The following SDHA variants were observed in gnomAD, a reference collection of about 807,000 sequenced individuals.
The protein encoded by SDHA is succinate dehydrogenase [ubiquinone] flavoprotein subunit, mitochondrial.
A neutral mutation model predicts 78.4 loss-of-function variants in SDHA; 48 were observed. That is an observed-to-expected ratio of 0.61 (90% confidence interval 0.49 to 0.78). The LOEUF (loss-of-function observed/expected upper bound fraction) is 0.78, where lower values mean the gene tolerates loss of function less well. SDHA is among the 30% of genes least tolerant of loss of function. SDHA has a pLI of 0.00. For missense variants in SDHA, 680 were observed against 892.7 expected (o/e 0.76, Z 3.04); for synonymous variants, 326 against 353.9 (o/e 0.92, Z 0.88).
At chr5:241,820 A>G (rs538196917) in intron 11 of SDHA, among the ~76,000 whole-genome samples, 1 of 152,346 alleles carries the variant, frequency 6.6e-6, no homozygotes, top group East Asian at 1.9e-4. Context: ...GCTGGGCTTC[A>G]GGGAGGCTTT....
chr5:250,686 G>T (rs1364706829), intron 11 of SDHA: 1 of 386,760 alleles, frequency 2.6e-6, no homozygotes, highest in East Asian at 6.2e-5. Flanking sequence ...CCGTGGAGCT[G>T]TATGGAACAT....
intron 13 of SDHA, among the ~76,000 whole-genome samples, chr5:252,438 G>T (rs1158025008): frequency 1.3e-5 from 2 of 148,874 alleles, no homozygotes; most frequent in Non-Finnish European, 3.0e-5. Context: ...AGCCTGCCCT[G>T]TGGAGGAAAT....
At chr5:239,111 T>C (rs10055765) in intron 10 of SDHA, among the ~76,000 whole-genome samples, 14,822 of 121,416 alleles carry the variant, frequency 0.12, 1,235 homozygotes, top group African/African-American at 0.25. Context: ...AAGAGACCCA[T>C]AGCCTGGTCC....
At chr5:232,522 G>A (rs13360554) in intron 7 of SDHA, among the ~76,000 whole-genome samples, 37,975 of 152,102 alleles carry the variant, frequency 0.25, 7,749 homozygotes, top group African/African-American at 0.56. Flanking sequence ...CACCCGGCCT[G>A]TTGTATTTTT....
chr5:241,170 G>A (rs533288610), intron 11 of SDHA, among the ~76,000 whole-genome samples: 4 of 152,166 alleles, frequency 2.6e-5, no homozygotes, highest in East Asian at 1.9e-4. Context: ...TGGTTCACTC[G>A]TGTGTGCTTG....
In SDHA at chr5:243,037, C is replaced by T. The variant is rs140940921; in HGVS notation, c.1551+2561C>T. On this transcript the variant is annotated intron_variant, in intron 11 of 14. Coordinates refer to ENST00000264932, the MANE Select transcript of SDHA (RefSeq NM_004168.4). ...TCTTTCTTTTCCAGAGGACAGTGGG[C>T]GAAAAGTAGTTGCTCCAGTGACTGT... Among the ~76,000 whole-genome samples the T allele has an allele frequency of 2.5e-3, 386 of 152,138 alleles. 1 individual carries two copies. Among genetic ancestry groups the T allele is most frequent in the African/African-American group, 8.8e-3 (365 of 41,502 alleles).
intron 8 of SDHA, chr5:234,107 A>T (rs1735598703): frequency 5.3e-6 from 1 of 189,410 alleles, no homozygotes; most frequent in Non-Finnish European, 1.1e-5. Flanking sequence ...TAGAGGTTTT[A>T]CATTTTTATA....
At chr5:236,264 A>G (rs1043746057) in intron 9 of SDHA, 164 bp from the exon 10 acceptor site, 51 of 706,854 alleles carry the variant, frequency 7.2e-5, no homozygotes, top group Non-Finnish European at 1.1e-4. Context: ...ACCTCAGGTG[A>G]TCACCCACCT....
At position 228,530 on chromosome 5, in the gene SDHA, A is replaced by G. The variant is rs372120687; in HGVS notation, c.770+197A>G. The stretch of plus-strand genomic sequence containing the variant: ...GGGTGAGGACAGGAGCACCTGCCTC[A>G]GGGTGAGAAAGCATGGTCCTCAGTA... On this transcript the variant is annotated intron_variant, in intron 6 of 14. Coordinates refer to ENST00000264932, the MANE Select transcript of SDHA (RefSeq NM_004168.4). Among the ~76,000 whole-genome samples, 23 of 152,326 alleles carry G rather than the reference A, an allele frequency of 1.5e-4. No individual in the cohort carries two copies. The East Asian group carries it at 1.9e-3, about 13-fold the overall frequency.
intron 8 of SDHA, 187 bp from the exon 9 acceptor site, chr5:234,957 A>G: frequency 1.5e-6 from 1 of 672,750 alleles, no homozygotes; most frequent in Non-Finnish European, 2.7e-6. Context: ...GTGTCCCAGC[A>G]CCTGGGATTG....
chr5:238,370 A>C (rs1579413259), intron 10 of SDHA, among the ~76,000 whole-genome samples: 2 of 152,172 alleles, frequency 1.3e-5, no homozygotes, highest in Admixed American at 1.3e-4. Flanking sequence ...AAAGGAAAGA[A>C]AAAATGCTTG....
chr5:268,736 G>A, the SDHA span, among the ~76,000 whole-genome samples: 1 of 152,230 alleles, frequency 6.6e-6, no homozygotes, highest in African/African-American at 2.4e-5. Context: ...ATATTAAAAG[G>A]GTGGATTCTA....
At chr5:229,391 T>TACCAC (rs1430738786) in intron 6 of SDHA, among the ~76,000 whole-genome samples, 1 of 152,242 alleles carries the variant, frequency 6.6e-6, no homozygotes, top group Non-Finnish European at 1.5e-5. Context: ...GACAATGTGG[T>TACCAC]GTGTATACAC....
intron 11 of SDHA, among the ~76,000 whole-genome samples, chr5:245,021 T>G (rs1736361691): frequency 6.6e-6 from 1 of 152,222 alleles, no homozygotes; most frequent in Non-Finnish European, 1.5e-5. Flanking sequence ...ATTGTTAAGC[T>G]TCCAGAACCT....
intron 6 of SDHA, among the ~76,000 whole-genome samples, chr5:229,200 ACT>A (rs1249140046): frequency 3.3e-5 from 5 of 152,022 alleles, no homozygotes; most frequent in African/African-American, 1.2e-4. Flanking sequence ...ATTACGGAAA[ACT>A]CTGGAGGTTC....
At position 256,812 on chromosome 5, in the gene SDHA, TTTTTCTTTTTC is replaced by T. The variant is rs969419475; in HGVS notation, c.*403_*413del. The T allele has an allele frequency of 7.7e-6, 2 of 260,550 alleles. No homozygotes were observed. Among genetic ancestry groups the T allele is most frequent in the African/African-American group, 5.9e-5 (2 of 34,122 alleles). The allele number at this position is 260,550 out of a possible 1,614,324, so 16.1% of individuals were successfully genotyped here. A position where few individuals can be genotyped will look rare whatever the true frequency, so the allele number is the denominator to read the frequency against. ...AATCCAGATATTTTGTATAGTTTCT[TTTTTCTTTTTC>T]TTTTCTTTTTTTTTTTTGAGACAGG... is the stretch of plus-strand genomic sequence containing the variant. On this transcript the variant is annotated 3_prime_UTR_variant, in exon 15 of 15. Transcript: ENST00000264932.
intron 11 of SDHA, among the ~76,000 whole-genome samples, chr5:241,386 G>A (rs1021915362): frequency 3.9e-5 from 6 of 152,172 alleles, no homozygotes; most frequent in African/African-American, 1.2e-4. Flanking sequence ...CCAGCAGCTC[G>A]GAAATGTCTT....
chr5:262,642 G>C, the SDHA span, among the ~76,000 whole-genome samples: 1 of 152,202 alleles, frequency 6.6e-6, no homozygotes, highest in African/African-American at 2.4e-5. Flanking sequence ...ACCAGTCCCT[G>C]GTGCCAACAA....
At chr5:239,375 T>C (rs1735996494) in intron 10 of SDHA, among the ~76,000 whole-genome samples, 1 of 152,064 alleles carries the variant, frequency 6.6e-6, no homozygotes, top group Non-Finnish European at 1.5e-5. Flanking sequence ...CTGGCCAACA[T>C]GGTGAAACCC....
Sources: gnomAD v4.1 joint callset for allele counts (sites outside exome capture counted in the v4.1 genomes callset) on GRCh38, gnomAD v4.1.1 for gene constraint, MANE v1.5 for transcripts, NCBI Gene and HGNC (gene_info 2026-07-23, HGNC 2026-07-21) for gene names.